The following THOC1 variants were observed in gnomAD, a reference collection of about 807,000 sequenced individuals.
THOC1 encodes THO complex 1.
THOC1 carries 29 observed loss-of-function variants against 97.3 expected under a neutral mutation model. The ratio of observed to expected loss-of-function variants is 0.30; its 90% CI spans 0.22 to 0.41. The LOEUF (loss-of-function observed/expected upper bound fraction) is 0.41. THOC1 is among the 10% of genes least tolerant of loss of function. The probability of loss-of-function intolerance (pLI) is 1.00; values close to 1 mark genes in which losing one functional copy is unlikely to be tolerated. For missense variants in THOC1, 529 were observed against 761.9 expected, an observed-to-expected ratio of 0.69 and a Z score of 3.60; for synonymous variants, 255 against 257.0, an observed-to-expected ratio of 0.99 and a Z score of 0.07.
In THOC1 at chr18:225,098, C is replaced by A; in HGVS notation, c.1128G>T (p.Lys376Asn). ...CATAAAAAACACATACCTCTACCAT[C>A]TTTGAAAATCTTTCTCCATCGGGGG... is the stretch of plus-strand genomic sequence containing the variant. The part of the protein sequence containing the change: ...ENPPDGERFS[K>N]MVEHILNTEE... The change falls in exon 14 of 21, where the codon AAG (lysine) becomes AAT (asparagine). Residue 376 changes from lysine to asparagine, a missense_variant. By Grantham distance (94) the Lys-to-Asn change is moderately conservative (BLOSUM62 0). This residue lies in a region of THOC1 where 123 missense variants were observed against 159.0 expected (regional missense o/e 0.77). Transcript: ENST00000261600. The A allele has an allele frequency of 2.5e-6, 4 of 1,575,292 alleles. No individual in the cohort carries two copies. The highest frequency in any genetic ancestry group is 2.3e-5 in the East Asian group (1 of 43,776).
At position 247,834 on chromosome 18, in the gene THOC1, T is replaced by G. The variant is rs16976866; in HGVS notation, c.786+15A>C. 195,264 of 1,516,866 alleles carry G rather than the reference T, an allele frequency of 0.13. 14,275 individuals are homozygous for G. The highest frequency in any genetic ancestry group is 0.27 in the African/African-American group (19,290 of 72,650). The allele number at this position is 1,516,866 out of a possible 1,614,324, so 94.0% of individuals were successfully genotyped here. ...AAAATACTGGGCTTCTGATAGTCTGTCAATGGCAACTTACCTTGAGAAAAG... is the reference window on the plus strand; with the variant it reads ...AAAATACTGGGCTTCTGATAGTCTGGCAATGGCAACTTACCTTGAGAAAAG... On this transcript the variant is annotated intron_variant, in intron 10 of 20. Coordinates refer to ENST00000261600, the MANE Select transcript of THOC1 (RefSeq NM_005131.3).
chr18:221,317 G>A (rs762894909), intron 17 of THOC1, among the ~76,000 whole-genome samples: 3 of 151,808 alleles, frequency 2.0e-5, no homozygotes, highest in Non-Finnish European at 4.4e-5. Context: ...GGGTGGTGGT[G>A]GATGGTGAAA....
chr18:235,858 A>G (rs1431635296), intron 11 of THOC1, among the ~76,000 whole-genome samples: 2 of 152,188 alleles, frequency 1.3e-5, no homozygotes, highest in Admixed American at 1.3e-4. Flanking sequence ...TATTACTGTC[A>G]TTGTTCAAAT....
intron 7 of THOC1, among the ~76,000 whole-genome samples, chr18:255,341 A>G (rs563358392): frequency 6.6e-6 from 1 of 152,364 alleles, no homozygotes; most frequent in South Asian, 2.1e-4. Flanking sequence ...TGCAAAGATA[A>G]AGTTCTTGAG....
At chr18:237,975 C>T (rs754605005) in intron 11 of THOC1, among the ~76,000 whole-genome samples, 33 of 152,090 alleles carry the variant, frequency 2.2e-4, no homozygotes, top group South Asian at 1.5e-3. Context: ...CAATGGATCC[C>T]CATGCCTCCG....
At chr18:262,850 GAATT>G (rs79532116) in intron 4 of THOC1, among the ~76,000 whole-genome samples, 24,803 of 152,030 alleles carry the variant, frequency 0.16, 2,397 homozygotes, top group African/African-American at 0.26. Flanking sequence ...TATATTATTT[GAATT>G]AATCAAATGA....
chr18:238,164 C>T (rs547941674), intron 11 of THOC1, among the ~76,000 whole-genome samples: 1 of 152,270 alleles, frequency 6.6e-6, no homozygotes, highest in Non-Finnish European at 1.5e-5. Context: ...CTGCACCCAG[C>T]TCTACTTTCT....
At chr18:216,707 G>A (rs757441022) in intron 18 of THOC1, 74 bp from the exon 19 acceptor site, 1 of 1,469,426 alleles carries the variant, frequency 6.8e-7, no homozygotes, top group Non-Finnish European at 9.0e-7. Flanking sequence ...GTTCTGCCAT[G>A]TGTAATTCTG....
chr18:218,057 ATTAG>A (rs1003293088), intron 18 of THOC1, among the ~76,000 whole-genome samples: 1 of 152,200 alleles, frequency 6.6e-6, no homozygotes, highest in African/African-American at 2.4e-5. Flanking sequence ...AACTAGAGAG[ATTAG>A]TTAAGAGGTC....
At chr18:225,588 G>T (rs549511155) in intron 12 of THOC1, 185 bp from the exon 13 acceptor site, 32 of 585,208 alleles carry the variant, frequency 5.5e-5, no homozygotes, top group African/African-American at 5.4e-4. Context: ...CCTCAAGAGG[G>T]TTGGTACTGA....
chr18:263,610 A>G (rs993189979), intron 4 of THOC1: 3 of 154,806 alleles, frequency 1.9e-5, no homozygotes, highest in Non-Finnish European at 2.9e-5. Flanking sequence ...TGTTGGCTCT[A>G]TTCCCTCTAA....
chr18:243,027 G>C (rs1037851960), intron 11 of THOC1, among the ~76,000 whole-genome samples: 1 of 152,114 alleles, frequency 6.6e-6, no homozygotes, highest in Admixed American at 6.5e-5. Context: ...TGTACAAAGA[G>C]GACTGTAAAT....
intron 11 of THOC1, among the ~76,000 whole-genome samples, chr18:233,455 G>A (rs573687716): frequency 1.1e-3 from 168 of 152,142 alleles, no homozygotes; most frequent in Middle Eastern, 6.8e-3. Context: ...GCATGGTGGC[G>A]CATGCCTGTA....
At position 217,409 on chromosome 18, in the gene THOC1, A is replaced by G. The variant is rs538855668; in HGVS notation, c.1455-776T>C. Among the ~76,000 whole-genome samples the G allele has an allele frequency of 2.0e-5, 3 of 152,346 alleles. No individual in the cohort carries two copies. The South Asian group carries it at 6.2e-4, about 32-fold the overall frequency. ...TTTCAAAATTCACTGTCAATTATAC[A>G]CATCATTTTTCTTATTCTCCACAAA... On this transcript the variant is annotated intron_variant, in intron 18 of 20. Coordinates refer to ENST00000261600, the MANE Select transcript of THOC1 (RefSeq NM_005131.3).
chr18:250,984 A>AAT (rs781326749), intron 9 of THOC1, among the ~76,000 whole-genome samples: 6 of 152,200 alleles, frequency 3.9e-5, no homozygotes, highest in Non-Finnish European at 8.8e-5. Flanking sequence ...ATGTATAATG[A>AAT]ATAAATAGGT....
intron 18 of THOC1, among the ~76,000 whole-genome samples, chr18:218,503 G>A (rs1028199008): frequency 3.9e-5 from 6 of 152,126 alleles, no homozygotes; most frequent in African/African-American, 1.4e-4. Flanking sequence ...AGGGCAAACA[G>A]AAGAACCATG....
chr18:252,655 T>A (rs530696555), intron 8 of THOC1, 43 bp from the exon 9 acceptor site: 2 of 1,511,586 alleles, frequency 1.3e-6, no homozygotes, highest in African/African-American at 2.8e-5. Context: ...GAAGCAGTCA[T>A]CAGACAGAAG....
At chr18:215,397 T>C (rs376652547) in intron 20 of THOC1, 32 bp downstream of exon 20, 6 of 1,567,866 alleles carry the variant, frequency 3.8e-6, no homozygotes, top group African/African-American at 1.4e-5. Context: ...GTCTTCAATT[T>C]TGTTAAATAA....
At chr18:226,563 C>T (rs943931746) in intron 12 of THOC1, among the ~76,000 whole-genome samples, 1 of 152,042 alleles carries the variant, frequency 6.6e-6, no homozygotes, top group African/African-American at 2.4e-5. Context: ...CTAATAAAGA[C>T]GACAACTCCT....
Sources: gnomAD v4.1 joint callset for allele counts (sites outside exome capture counted in the v4.1 genomes callset) on GRCh38, gnomAD v4.1.1 for gene constraint, gnomAD v4.1.1 regional missense constraint, MANE v1.5 for transcripts, NCBI Gene and HGNC (gene_info 2026-07-23, HGNC 2026-07-21) for gene names.